Variants in CACNA2D3 observed in about 807,000 individuals in gnomAD.
CACNA2D3 encodes voltage-dependent calcium channel subunit alpha-2/delta-3.
Under a neutral mutation model 160.6 loss-of-function variants are expected in CACNA2D3, and 60 were observed. The ratio of observed to expected loss-of-function variants is 0.37; its 90% CI spans 0.30 to 0.46. The LOEUF (loss-of-function observed/expected upper bound fraction) is 0.46. Ranked by LOEUF, CACNA2D3 falls within the 20% of genes least tolerant of loss-of-function variation. CACNA2D3 has a pLI of 1.00. For missense variants in CACNA2D3, 1,205 were observed against 1,365.0 expected (o/e 0.88, Z 1.85); for synonymous variants, 558 against 492.9 (o/e 1.13, Z -1.75).
At chr3:54,843,720 C>A (rs2106769682) in intron 16 of CACNA2D3, among the ~76,000 whole-genome samples, 1 of 152,280 alleles carries the variant, frequency 6.6e-6, no homozygotes, top group African/African-American at 2.4e-5. Context: ...CAGTGAGGAC[C>A]ATTGTGGAAA....
intron 2 of CACNA2D3, among the ~76,000 whole-genome samples, chr3:54,152,062 C>T (rs1029621398): frequency 6.6e-6 from 1 of 152,248 alleles, no homozygotes; most frequent in African/African-American, 2.4e-5. Context: ...TCCCGGTCTA[C>T]ACCATTCCCA....
In CACNA2D3 at chr3:54,856,633, A is replaced by G. The variant is rs148848650; in HGVS notation, c.1626+10166A>G. Among the ~76,000 whole-genome samples the G allele has an allele frequency of 2.2e-3, 342 of 152,348 alleles. 2 individuals carry two copies. The highest frequency in any genetic ancestry group is 7.7e-3 in the African/African-American group (319 of 41,576). ...AGAAGATGTGGGTTTTTAAAGTTCT[A>G]AAACAAACTGATAAATAAAAATACT... On this transcript the variant is annotated intron_variant, in intron 17 of 37. Transcript: ENST00000474759.
intron 11 of CACNA2D3, among the ~76,000 whole-genome samples, chr3:54,644,942 T>C (rs1699605475): frequency 6.6e-6 from 1 of 152,254 alleles, no homozygotes; most frequent in Admixed American, 6.5e-5. Context: ...TCAGTTGAAT[T>C]CACTGCACAG....
intron 27 of CACNA2D3, among the ~76,000 whole-genome samples, chr3:54,954,853 A>G (rs556830714): frequency 6.6e-6 from 1 of 152,200 alleles, no homozygotes; most frequent in African/African-American, 2.4e-5. Context: ...AAGAAGAACA[A>G]CTGGGTTTCA....
intron 27 of CACNA2D3, among the ~76,000 whole-genome samples, chr3:54,936,357 C>G (rs1701328856): frequency 6.6e-6 from 1 of 152,104 alleles, no homozygotes; most frequent in African/African-American, 2.4e-5. Context: ...TATTATAAAG[C>G]CTTTGTGTGT....
intron 14 of CACNA2D3, among the ~76,000 whole-genome samples, chr3:54,823,797 G>A (rs1703691610): frequency 6.6e-6 from 1 of 152,174 alleles, no homozygotes; most frequent in Non-Finnish European, 1.5e-5. Flanking sequence ...GAAATGCATA[G>A]ACATATTTAA....
chr3:54,745,902 G>A (rs1222743391), intron 11 of CACNA2D3, among the ~76,000 whole-genome samples: 2 of 151,960 alleles, frequency 1.3e-5, no homozygotes, highest in Non-Finnish European at 1.5e-5. Context: ...GCGTCCCTAA[G>A]GTGACAGTCC....
At chr3:54,727,725 A>G (rs1486124893) in intron 11 of CACNA2D3, among the ~76,000 whole-genome samples, 3 of 152,130 alleles carry the variant, frequency 2.0e-5, no homozygotes, top group Admixed American at 2.0e-4. Flanking sequence ...CATGGGCATG[A>G]GGAGGGGAAC....
chr3:54,278,537 A>G (rs1408667618), intron 2 of CACNA2D3, among the ~76,000 whole-genome samples: 2 of 152,230 alleles, frequency 1.3e-5, no homozygotes, highest in African/African-American at 4.8e-5. Flanking sequence ...GTGCACACGT[A>G]TGTTTATTGC....
chr3:54,296,051 C>G (rs1703335644), intron 2 of CACNA2D3, among the ~76,000 whole-genome samples: 1 of 152,140 alleles, frequency 6.6e-6, no homozygotes, highest in Non-Finnish European at 1.5e-5. Context: ...GTCCCTTGGG[C>G]TGTGTCCGCC....
chr3:54,965,886 T>C (rs1267205498), intron 27 of CACNA2D3, among the ~76,000 whole-genome samples: 1 of 151,970 alleles, frequency 6.6e-6, no homozygotes, highest in Non-Finnish European at 1.5e-5. Flanking sequence ...CAGTTCTAGT[T>C]CAGGGCATCA....
intron 35 of CACNA2D3, among the ~76,000 whole-genome samples, chr3:55,043,044 T>G (rs1039595695): frequency 9.2e-5 from 14 of 152,316 alleles, no homozygotes; most frequent in Admixed American, 7.2e-4. Context: ...TTTTGGTGAT[T>G]ATGAATAAAA....
At chr3:54,992,004 T>C (rs1487002089) in intron 31 of CACNA2D3, among the ~76,000 whole-genome samples, 1 of 151,568 alleles carries the variant, frequency 6.6e-6, no homozygotes. Context: ...GGATAGTTAC[T>C]ACATAGCAGT....
At chr3:54,329,453 C>T (rs989998892) in intron 3 of CACNA2D3, among the ~76,000 whole-genome samples, 2 of 152,178 alleles carry the variant, frequency 1.3e-5, no homozygotes, top group Admixed American at 1.3e-4. Flanking sequence ...TATTAGAGCT[C>T]AACTGCAAAG....
chr3:54,993,762 GC>G (rs1446232138), intron 31 of CACNA2D3, among the ~76,000 whole-genome samples: 4 of 151,922 alleles, frequency 2.6e-5, no homozygotes, highest in African/African-American at 9.7e-5. Context: ...AGCACACCTG[GC>G]CCTTGGCTTG....
At chr3:54,799,634 G>A (rs569049999) in intron 13 of CACNA2D3, among the ~76,000 whole-genome samples, 6 of 152,174 alleles carry the variant, frequency 3.9e-5, no homozygotes, top group African/African-American at 1.2e-4. Flanking sequence ...TTTTAATGCT[G>A]CCTTTTGTAG....
At chr3:54,222,319 A>G (rs1424888629) in intron 2 of CACNA2D3, among the ~76,000 whole-genome samples, 1 of 152,138 alleles carries the variant, frequency 6.6e-6, no homozygotes, top group Non-Finnish European at 1.5e-5. Context: ...TAGGCTTGAG[A>G]CCCAGGAAGA....
intron 13 of CACNA2D3, among the ~76,000 whole-genome samples, chr3:54,799,641 G>T (rs1013860997): frequency 6.6e-6 from 1 of 152,208 alleles, no homozygotes; most frequent in Non-Finnish European, 1.5e-5. Flanking sequence ...GCTGCCTTTT[G>T]TAGGGAATAT....
At chr3:54,748,156 GATGTGCAGGCAGCAGCAGCCT>G (rs1559567928) in intron 11 of CACNA2D3, among the ~76,000 whole-genome samples, 2 of 152,178 alleles carry the variant, frequency 1.3e-5, no homozygotes, top group Non-Finnish European at 2.9e-5. Context: ...ATTGAAGGGA[GATGTGCAGGCAGCAGCAGCCT>G]ATTTTCTGTC....
Sources: gnomAD v4.1 joint callset for allele counts (sites outside exome capture counted in the v4.1 genomes callset) on GRCh38, gnomAD v4.1.1 for gene constraint, MANE v1.5 for transcripts, NCBI Gene and HGNC (gene_info 2026-07-23, HGNC 2026-07-21) for gene names.